The following LDHC variants were observed in gnomAD, a reference collection of about 807,000 sequenced individuals.
LDHC encodes L-lactate dehydrogenase C chain.
LDHC carries 20 observed loss-of-function variants against 30.2 expected under a neutral mutation model. The ratio of observed to expected loss-of-function variants is 0.66; its 90% CI spans 0.47 to 0.96. The LOEUF (loss-of-function observed/expected upper bound fraction) is 0.96. Among genes scored for constraint, LDHC ranks in the 40% least tolerant of loss-of-function variants. LDHC has a pLI of 0.00. For missense variants in LDHC, 362 were observed against 394.9 expected (o/e 0.92, Z 0.71); for synonymous variants, 139 against 132.7 (o/e 1.05, Z -0.32).
chr11:18,441,381 G>A (rs1848462310), intron 6 of LDHC, among the ~76,000 whole-genome samples: 1 of 151,520 alleles, frequency 6.6e-6, no homozygotes, highest in Non-Finnish European at 1.5e-5. Context: ...GCAGTGGTGT[G>A]GTCTCTGCAC....
In LDHC at chr11:18,412,772, T is replaced by C. The variant is rs745952910; in HGVS notation, c.55T>C (p.Ser19Pro). The stretch of plus-strand genomic sequence containing the variant: ...GAAGCTAATTGAGGATGATGAAAAC[T>C]CCCAGTGTAAAATTACTATTGTTGG... ...IEKLIEDDENSQCKITIVGTG... is the reference protein window; with the variant it reads ...IEKLIEDDENPQCKITIVGTG... The change falls in exon 2 of 8, where the codon TCC becomes CCC. Residue 19 changes from serine to proline, a missense_variant. Ser to Pro is a moderately conservative substitution (Grantham distance 74). Coordinates refer to ENST00000541669, the MANE Select transcript of LDHC (RefSeq NM_017448.5). 1.2e-6 allele frequency: 2 copies of C among 1,613,882 alleles called. No individual in the cohort carries two copies. The highest frequency in any genetic ancestry group is 4.5e-5 in the East Asian group (2 of 44,878).
chr11:18,431,126 A>C (rs1342495272), intron 4 of LDHC, among the ~76,000 whole-genome samples: 3 of 152,068 alleles, frequency 2.0e-5, no homozygotes, highest in African/African-American at 7.2e-5. Flanking sequence ...TCTCAAAAAA[A>C]AAAACCAAAG....
intron 3 of LDHC, among the ~76,000 whole-genome samples, chr11:18,425,428 T>C (rs1848144876): frequency 6.6e-6 from 1 of 152,072 alleles, no homozygotes; most frequent in Admixed American, 6.6e-5. Context: ...TAACCCAGGC[T>C]GGAGTGCAGT....
intron 3 of LDHC, among the ~76,000 whole-genome samples, 176 bp from the exon 4 acceptor site, chr11:18,429,561 A>C (rs1186553817): frequency 1.3e-5 from 2 of 152,204 alleles, no homozygotes; most frequent in Non-Finnish European, 2.9e-5. Context: ...TCATAGTGAC[A>C]AGGCTTCCTT....
At chr11:18,442,596 C>T (rs1409479060) in intron 6 of LDHC, among the ~76,000 whole-genome samples, 1 of 151,578 alleles carries the variant, frequency 6.6e-6, no homozygotes, top group African/African-American at 2.4e-5. Context: ...TTTACTATCA[C>T]TTGCGTCTTA....
At chr11:18,430,609 G>A (rs900289055) in intron 4 of LDHC, among the ~76,000 whole-genome samples, 2 of 152,090 alleles carry the variant, frequency 1.3e-5, no homozygotes, top group Non-Finnish European at 2.9e-5. Flanking sequence ...CAGTCTACTC[G>A]CCTTGGCCTC....
chr11:18,422,896 G>T (rs541431350), intron 3 of LDHC, among the ~76,000 whole-genome samples: 1 of 151,124 alleles, frequency 6.6e-6, no homozygotes, highest in African/African-American at 2.4e-5. Context: ...GTGGAAGGAT[G>T]GCTTGAGCCT....
At chr11:18,444,692 C>T (rs996934666) in intron 6 of LDHC, among the ~76,000 whole-genome samples, 1 of 139,222 alleles carries the variant, frequency 7.2e-6, no homozygotes, top group Admixed American at 7.7e-5. Flanking sequence ...ATTCTTGGGG[C>T]TTTAAAACGG....
intron 3 of LDHC, among the ~76,000 whole-genome samples, chr11:18,418,922 G>A (rs1182570530): frequency 6.6e-6 from 1 of 152,210 alleles, no homozygotes; most frequent in African/African-American, 2.4e-5. Context: ...AATGAAGTGA[G>A]AAAACCAGAG....
chr11:18,424,886 T>C (rs1450894021), intron 3 of LDHC, among the ~76,000 whole-genome samples: 2 of 152,154 alleles, frequency 1.3e-5, no homozygotes, highest in Non-Finnish European at 2.9e-5. Context: ...CACGTGCCTG[T>C]AATTCCAGCT....
At chr11:18,429,062 G>A (rs1848216428) in intron 3 of LDHC, among the ~76,000 whole-genome samples, 1 of 149,374 alleles carries the variant, frequency 6.7e-6, no homozygotes, top group African/African-American at 2.5e-5. Context: ...CTCACTCTTA[G>A]ACTCCTGAAA....
intron 3 of LDHC, among the ~76,000 whole-genome samples, chr11:18,416,646 T>C (rs1867027592): frequency 1.3e-5 from 2 of 152,244 alleles, no homozygotes; most frequent in South Asian, 2.1e-4. Flanking sequence ...CTCAGCTGAT[T>C]AGAGTTTTGC....
chr11:18,450,864 ATGCTT>A, intron 7 of LDHC, 94 bp from the exon 8 acceptor site: 1 of 840,020 alleles, frequency 1.2e-6, no homozygotes, highest in East Asian at 2.9e-5. Flanking sequence ...TTCTTGTTGA[ATGCTT>A]TAGTCTCTCC....
intron 3 of LDHC, among the ~76,000 whole-genome samples, chr11:18,428,316 G>A (rs1848200231): frequency 6.6e-6 from 1 of 150,938 alleles, no homozygotes; most frequent in Non-Finnish European, 1.5e-5. Context: ...GGATTAAGAT[G>A]CACGCCACCA....
intron 6 of LDHC, among the ~76,000 whole-genome samples, chr11:18,443,447 C>T (rs2698562): frequency 0.89 from 134,822 of 150,726 alleles, 60,350 homozygotes; most frequent in East Asian, 0.95. Context: ...GTAGTTCTTT[C>T]TTTTCTTTCT....
At chr11:18,449,521 G>C (rs1419682523) in intron 7 of LDHC, among the ~76,000 whole-genome samples, 1 of 146,454 alleles carries the variant, frequency 6.8e-6, no homozygotes, top group Non-Finnish European at 1.5e-5. Context: ...TGGCTGAATA[G>C]AATGTGGGTT....
chr11:18,422,553 C>CA (rs113941173), intron 3 of LDHC, among the ~76,000 whole-genome samples: 19,204 of 115,136 alleles, frequency 0.17, 1,410 homozygotes, highest in Middle Eastern at 0.28. Flanking sequence ...GACTCCATCT[C>CA]AAAAAAAAAA....
intron 4 of LDHC, among the ~76,000 whole-genome samples, chr11:18,433,600 T>G (rs992134916): frequency 2.0e-5 from 3 of 152,178 alleles, no homozygotes; most frequent in Non-Finnish European, 2.9e-5. Context: ...ATAATTGTTT[T>G]GTTTGAGGAG....
intron 3 of LDHC, among the ~76,000 whole-genome samples, chr11:18,426,171 C>G (rs967694224): frequency 6.6e-6 from 1 of 151,964 alleles, no homozygotes. Flanking sequence ...CCCAGCTCCA[C>G]AGATATTTTA....
Sources: allele counts gnomAD v4.1 joint callset (sites outside exome capture counted in the v4.1 genomes callset), GRCh38; gene constraint gnomAD v4.1.1; transcripts MANE v1.5; gene names NCBI Gene and HGNC (gene_info 2026-07-23, HGNC 2026-07-21).